The following NAALADL2 variants were observed in gnomAD, a reference collection of about 807,000 sequenced individuals.
The protein encoded by NAALADL2 is N-acetylated alpha-linked acidic dipeptidase like 2.
Under a neutral mutation model 87.2 loss-of-function variants are expected in NAALADL2, and 76 were observed. The observed-to-expected ratio is 0.87, with a 90% CI of 0.72 to 1.05. NAALADL2 has a LOEUF of 1.05. Ranked by LOEUF, NAALADL2 falls within the 50% of genes least tolerant of loss-of-function variation. The pLI is 0.00. For missense variants in NAALADL2, 1,089 were observed against 945.8 expected, an observed-to-expected ratio of 1.15 and a Z score of -1.99; for synonymous variants, 354 against 331.0, an observed-to-expected ratio of 1.07 and a Z score of -0.75.
intron 1 of NAALADL2, among the ~76,000 whole-genome samples, chr3:174,519,519 C>G (rs1720138246): frequency 1.3e-5 from 2 of 151,928 alleles, no homozygotes; most frequent in South Asian, 4.2e-4. Context: ...TTAGTAGAGA[C>G]AGGGTTTCTC....
At chr3:175,561,170 C>T in intron 9 of NAALADL2, among the ~76,000 whole-genome samples, 1 of 152,142 alleles carries the variant, frequency 6.6e-6, no homozygotes, top group East Asian at 1.9e-4. Context: ...GGTTCTAAGA[C>T]ATCCTATGGG....
At chr3:175,240,581 T>G (rs549443147) in intron 3 of NAALADL2, among the ~76,000 whole-genome samples, 1 of 152,348 alleles carries the variant, frequency 6.6e-6, no homozygotes, top group East Asian at 1.9e-4. Context: ...GTACTTAAAC[T>G]TTTGTTTTCT....
intron 1 of NAALADL2, among the ~76,000 whole-genome samples, chr3:174,542,585 AG>A (rs1722342762): frequency 6.6e-6 from 1 of 152,180 alleles, no homozygotes; most frequent in Non-Finnish European, 1.5e-5. Flanking sequence ...TAGGTATCAA[AG>A]GTCCCAGGAA....
chr3:175,060,631 A>C (rs898497010), intron 1 of NAALADL2, among the ~76,000 whole-genome samples: 6 of 152,232 alleles, frequency 3.9e-5, no homozygotes, highest in Non-Finnish European at 5.9e-5. Flanking sequence ...GATCTTTACT[A>C]TCTGGGCATT....
At chr3:175,082,107 C>A (rs541635090) in intron 1 of NAALADL2, among the ~76,000 whole-genome samples, 1 of 152,162 alleles carries the variant, frequency 6.6e-6, no homozygotes, top group South Asian at 2.1e-4. Context: ...ATCTTCAAGG[C>A]ATCAATTTCT....
chr3:174,601,270 G>T (rs113523833), intron 2 of NAALADL2, among the ~76,000 whole-genome samples: 1 of 152,030 alleles, frequency 6.6e-6, no homozygotes, highest in Non-Finnish European at 1.5e-5. Context: ...GTTGTGCGAG[G>T]GTTTCCTTTT....
chr3:175,668,932 G>A (rs1733568919), intron 11 of NAALADL2, among the ~76,000 whole-genome samples: 1 of 152,068 alleles, frequency 6.6e-6, no homozygotes, highest in African/African-American at 2.4e-5. Flanking sequence ...CTCACTATGT[G>A]CAAGGCACTG....
chr3:174,568,935 A>G (rs1378733858), intron 2 of NAALADL2, among the ~76,000 whole-genome samples: 1 of 151,532 alleles, frequency 6.6e-6, no homozygotes, highest in Non-Finnish European at 1.5e-5. Context: ...AAATTATACC[A>G]TTATACCACG....
chr3:175,713,542 T>C (rs1360930715), intron 11 of NAALADL2, among the ~76,000 whole-genome samples: 1 of 152,138 alleles, frequency 6.6e-6, no homozygotes, highest in East Asian at 1.9e-4. Flanking sequence ...CCTTCTGATA[T>C]ACAGTGTTTT....
chr3:175,779,622 GTTTTA>G (rs1001020830), intron 13 of NAALADL2, among the ~76,000 whole-genome samples: 1 of 152,060 alleles, frequency 6.6e-6, no homozygotes, highest in African/African-American at 2.4e-5. Context: ...TGTAAATAAA[GTTTTA>G]TTTTGATGAA....
At chr3:174,503,889 A>C (rs1380269884) in intron 1 of NAALADL2, among the ~76,000 whole-genome samples, 1 of 152,174 alleles carries the variant, frequency 6.6e-6, no homozygotes, top group Non-Finnish European at 1.5e-5. Flanking sequence ...AATAAAATTC[A>C]CAGATTAATA....
intron 3 of NAALADL2, among the ~76,000 whole-genome samples, chr3:175,237,774 T>A (rs1458970384): frequency 6.6e-6 from 1 of 152,156 alleles, no homozygotes; most frequent in Non-Finnish European, 1.5e-5. Context: ...AATGGCCTTT[T>A]GTGTTGTTTT....
At position 174,510,906 on chromosome 3, in the gene NAALADL2, T is replaced by C. The variant is rs145155227; in HGVS notation, c.-183-39663T>C. 2.2e-3 allele frequency among the ~76,000 whole-genome samples: 337 copies of C among 152,126 alleles called. 1 individual carries two copies. Among genetic ancestry groups the C allele is most frequent in the African/African-American group, 7.6e-3 (314 of 41,568 alleles). On this transcript the variant is annotated intron_variant, in intron 1 of 3. Coordinates refer to the NAALADL2 transcript ENST00000434257. ...ATTGTGACATGACGTGTGTTCATTT[T>C]CTTTCAATCAAAACGTTTTCTAATT...
chr3:175,633,655 C>G (rs1245879038), intron 11 of NAALADL2, among the ~76,000 whole-genome samples: 1 of 151,816 alleles, frequency 6.6e-6, no homozygotes, highest in African/African-American at 2.4e-5. Flanking sequence ...ACCATGGAAA[C>G]CAGCAAATGA....
rs550455747 is a variant in NAALADL2, at chr3:175,200,812, G to A, written c.546-33119G>A. On this transcript the variant is annotated intron_variant, in intron 2 of 13. Transcript: ENST00000454872. ...CAGTTTATTTCTAAAACACAAAACA[G>A]GTCATGACTCTCAAATGCTCCCATG... 1.4e-4 allele frequency among the ~76,000 whole-genome samples: 22 copies of A among 152,228 alleles called. No individual in the cohort carries two copies. In the East Asian group the frequency reaches 4.3e-3, roughly 29 times the overall value.
chr3:175,199,860 ATATATTTTTTTTTTTTT>A (rs1454910462), intron 2 of NAALADL2, among the ~76,000 whole-genome samples: 6 of 15,908 alleles, frequency 3.8e-4, no homozygotes, highest in African/African-American at 1.4e-3. Flanking sequence ...ATATATATAT[ATATATTTTTTTTTTTTT>A]TTTTTTTTTT....
chr3:175,090,486 A>G (rs1222565880), intron 1 of NAALADL2, among the ~76,000 whole-genome samples: 3 of 152,040 alleles, frequency 2.0e-5, no homozygotes, highest in Admixed American at 1.3e-4. Flanking sequence ...AGGTTGGCCT[A>G]CTCGGGGAAC....
At chr3:174,776,616 G>A (rs1715240907) in intron 3 of NAALADL2, among the ~76,000 whole-genome samples, 1 of 151,996 alleles carries the variant, frequency 6.6e-6, no homozygotes, top group South Asian at 2.1e-4. Flanking sequence ...TCATAATTTG[G>A]GAACTTGTAA....
chr3:175,236,548 C>CAAAAAAA (rs34787558), intron 3 of NAALADL2, among the ~76,000 whole-genome samples: 1 of 98,954 alleles, frequency 1.0e-5, no homozygotes, highest in African/African-American at 4.6e-5. Context: ...AACTCCTTCT[C>CAAAAAAA]AAAAAAAAAA....
Sources: gnomAD v4.1 joint callset for allele counts (sites outside exome capture counted in the v4.1 genomes callset) on GRCh38, gnomAD v4.1.1 for gene constraint, MANE v1.5 for transcripts, NCBI Gene and HGNC (gene_info 2026-07-23, HGNC 2026-07-21) for gene names.